Variants in MAP2K6 observed in about 807,000 individuals in gnomAD.
MAP2K6 encodes the protein dual specificity mitogen-activated protein kinase kinase 6.
In MAP2K6, 16 loss-of-function variants were observed where a neutral mutation model predicts 53.7. The ratio of observed to expected loss-of-function variants is 0.30; its 90% confidence interval spans 0.20 to 0.45. The LOEUF (loss-of-function observed/expected upper bound fraction) is 0.45. MAP2K6 is among the 20% of genes least tolerant of loss of function. The pLI is 1.00. For synonymous variants in MAP2K6, 132 were observed against 143.1 expected, an observed-to-expected ratio of 0.92 and a Z score of 0.55; for missense variants, 204 against 411.9, an observed-to-expected ratio of 0.50 and a Z score of 4.37.
intron 1 of MAP2K6, among the ~76,000 whole-genome samples, chr17:69,499,052 A>G (rs1369061207): frequency 6.6e-6 from 1 of 152,176 alleles, no homozygotes; most frequent in African/African-American, 2.4e-5. Flanking sequence ...TTAAAAATGG[A>G]TACTGAGGCA....
At chr17:69,534,141 AC>A (rs1271574842) in intron 10 of MAP2K6, among the ~76,000 whole-genome samples, 1 of 152,148 alleles carries the variant, frequency 6.6e-6, no homozygotes. Context: ...AGATGTAACA[AC>A]CAAAAATGCC....
chr17:69,549,410 A>G lies in MAP2K6; in HGVS notation c.*7657A>G, dbSNP rs1912005062. On this transcript the variant is annotated 3_prime_UTR_variant, in exon 12 of 12. Coordinates refer to ENST00000590474, the MANE Select transcript of MAP2K6 (RefSeq NM_002758.4). ...TTTCTAAGTAATCTCTGGAGTTTGT[A>G]GCTTAGACCAGGCCTTCAAAAGTCT... is the stretch of plus-strand genomic sequence containing the variant. 1 of 152,210 alleles carries G rather than the reference A, an allele frequency of 6.6e-6. No homozygotes were observed. Among genetic ancestry groups the G allele is most frequent in the Non-Finnish European group, 1.5e-5 (1 of 68,040 alleles). The allele number at this position is 152,210 out of a possible 1,614,324, so 9.4% of individuals were successfully genotyped here.
chr17:69,518,443 G>T (rs1383223741), intron 4 of MAP2K6, among the ~76,000 whole-genome samples: 1 of 152,080 alleles, frequency 6.6e-6, no homozygotes, highest in Non-Finnish European at 1.5e-5. Context: ...AGAGAAAATT[G>T]TCTCCATTTG....
chr17:69,527,825 T>C (rs1217746137), intron 10 of MAP2K6, among the ~76,000 whole-genome samples: 1 of 152,078 alleles, frequency 6.6e-6, no homozygotes, highest in Admixed American at 6.5e-5. Flanking sequence ...TCCATGGTTT[T>C]TAGAAGTGCT....
At chr17:69,454,902 C>T (rs1384756649) in intron 1 of MAP2K6, among the ~76,000 whole-genome samples, 1 of 152,136 alleles carries the variant, frequency 6.6e-6, no homozygotes, top group Non-Finnish European at 1.5e-5. Context: ...TTACAAACAT[C>T]GTTCTTTTCG....
At chr17:69,504,273 T>C (rs1325177649) in intron 1 of MAP2K6, among the ~76,000 whole-genome samples, 2 of 150,538 alleles carry the variant, frequency 1.3e-5, no homozygotes, top group African/African-American at 4.9e-5. Context: ...GGTAGGATTC[T>C]TTTTTTTTCT....
chr17:69,521,476 A>C (rs1186706984), intron 7 of MAP2K6: 2 of 179,788 alleles, frequency 1.1e-5, no homozygotes, highest in African/African-American at 4.7e-5. Flanking sequence ...TGGAATTTGC[A>C]TTTTAACAAG....
At position 69,498,650 on chromosome 17, in the gene MAP2K6, C is replaced by CTACACACA. The variant is rs1235459376; in HGVS notation, c.17-7130_17-7129insTACACACA. 3.4e-5 allele frequency among the ~76,000 whole-genome samples: 5 copies of CTACACACA among 145,534 alleles called. No individual in the cohort carries two copies. In the East Asian group the frequency reaches 1.0e-3, roughly 30 times the overall value. On this transcript the variant is annotated intron_variant, in intron 1 of 11. Transcript: ENST00000590474. ...GAAGCCACACACACACACCTGGAAG[C>CTACACACA]CACACACACACACACACACACACAC...
At chr17:69,453,014 C>T (rs976669651) in intron 1 of MAP2K6, among the ~76,000 whole-genome samples, 2 of 152,182 alleles carry the variant, frequency 1.3e-5, no homozygotes, top group Admixed American at 6.5e-5. Context: ...ATGTCCCTGT[C>T]ATAGCTAAGA....
rs184311967 is a variant in MAP2K6, at chr17:69,523,680, T to C, written c.663+39T>C. On this transcript the variant is annotated intron_variant, in intron 8 of 11. Coordinates refer to ENST00000590474, the MANE Select transcript of MAP2K6 (RefSeq NM_002758.4). The stretch of plus-strand genomic sequence containing the variant: ...CTAGGGTGGCATCTGGTAATGTCAC[T>C]GCCGACAAATCATGCTGGGAAACAA... 4 of 1,604,274 alleles carry C rather than the reference T, an allele frequency of 2.5e-6. No homozygotes were observed. In the East Asian group the frequency reaches 9.0e-5, roughly 36 times the overall value.
chr17:69,496,875 A>AC (rs1908974845), intron 1 of MAP2K6, among the ~76,000 whole-genome samples: 1 of 151,762 alleles, frequency 6.6e-6, no homozygotes, highest in African/African-American at 2.4e-5. Flanking sequence ...CCCACTGGCC[A>AC]CCCCCACTGA....
rs142067482 is a variant in MAP2K6 at position 69,494,960 on chromosome 17, G to A, written c.17-10820G>A. On this transcript the variant is annotated intron_variant, in intron 1 of 11. Coordinates refer to ENST00000590474, the MANE Select transcript of MAP2K6 (RefSeq NM_002758.4). The surrounding 1 kb of genome is among the most constrained non-coding windows in gnomAD (Gnocchi z 4.2). ...GTGGAGGTTGCCGTGAGCCGAGATC[G>A]CGACATTGCACTCCAGCCTGGGCAA... 0.013 allele frequency among the ~76,000 whole-genome samples: 1,945 copies of A among 151,790 alleles called. 38 individuals are homozygous for A. The highest frequency in any genetic ancestry group is 0.044 in the African/African-American group (1,837 of 41,414).
At chr17:69,419,227 G>A (rs528786812) in intron 1 of MAP2K6, among the ~76,000 whole-genome samples, 1 of 152,256 alleles carries the variant, frequency 6.6e-6, no homozygotes, top group African/African-American at 2.4e-5. Flanking sequence ...ACACAGTACT[G>A]TAAGGAATAC....
At chr17:69,521,753 T>C (rs999499284) in intron 7 of MAP2K6, 21 of 142,740 alleles carry the variant, frequency 1.5e-4, no homozygotes, top group African/African-American at 5.3e-4. Flanking sequence ...GAAGAAAATA[T>C]ATTCTGATTA....
At chr17:69,460,922 CAT>C (rs1354197216) in intron 1 of MAP2K6, among the ~76,000 whole-genome samples, 4 of 152,128 alleles carry the variant, frequency 2.6e-5, no homozygotes, top group Non-Finnish European at 5.9e-5. Context: ...TAAGAAGTGA[CAT>C]AGAGTGGTAG....
At chr17:69,515,069 C>T (rs1910071076) in intron 2 of MAP2K6, among the ~76,000 whole-genome samples, 1 of 152,048 alleles carries the variant, frequency 6.6e-6, no homozygotes, top group African/African-American at 2.4e-5. Flanking sequence ...CCCTCTTTCC[C>T]TCTTTTCTGG....
chr17:69,462,576 T>C (rs965083699), intron 1 of MAP2K6, among the ~76,000 whole-genome samples: 2 of 152,188 alleles, frequency 1.3e-5, no homozygotes, highest in Non-Finnish European at 2.9e-5. Flanking sequence ...TCTTTTTCAA[T>C]ATGTGTATAG....
intron 1 of MAP2K6, among the ~76,000 whole-genome samples, chr17:69,438,512 C>T (rs1906719250): frequency 6.6e-6 from 1 of 152,180 alleles, no homozygotes; most frequent in South Asian, 2.1e-4. Flanking sequence ...CTCATAATCA[C>T]TATATGGTAG....
intron 1 of MAP2K6, among the ~76,000 whole-genome samples, chr17:69,429,638 T>C (rs1906393586): frequency 6.6e-6 from 1 of 152,232 alleles, no homozygotes; most frequent in African/African-American, 2.4e-5. Context: ...TTATGTGATC[T>C]GGGTACCTTT....
Sources: allele counts gnomAD v4.1 joint callset (sites outside exome capture counted in the v4.1 genomes callset), GRCh38; gene constraint gnomAD v4.1.1; non-coding constraint Gnocchi (gnomAD v3.1); transcripts MANE v1.5; gene names NCBI Gene and HGNC (gene_info 2026-07-23, HGNC 2026-07-21).